Variants in GPR176 observed in about 807,000 individuals in gnomAD.
GPR176 encodes G protein-coupled receptor 176.
A neutral mutation model predicts 35.4 loss-of-function variants in GPR176; 26 were observed. The observed-to-expected ratio is 0.74, with a 90% CI of 0.54 to 1.02. The LOEUF is 1.02. Ranked by LOEUF, GPR176 falls within the 50% of genes least tolerant of loss-of-function variation. The pLI, the probability that GPR176 is intolerant of heterozygous loss-of-function variation, is 0.00. For missense variants in GPR176, 597 were observed against 665.3 expected (o/e 0.90, Z 1.13); for synonymous variants, 278 against 271.3 (o/e 1.02, Z -0.24).
intron 1 of GPR176, among the ~76,000 whole-genome samples, chr15:39,890,542 A>G (rs1041190855): frequency 1.2e-4 from 18 of 152,162 alleles, no homozygotes; most frequent in African/African-American, 4.1e-4. Context: ...GTAGTATAGA[A>G]TCATATACTT....
chr15:39,906,210 G>T lies in GPR176; in HGVS notation c.172+13645C>A, dbSNP rs74009001. ...GGCATTTAGTTGTGCAAAAAGCATG[G>T]TTTTCAACCTAATTTTTGCAGGCTT... On this transcript the variant is annotated intron_variant, in intron 1 of 2. Transcript: ENST00000561100. Among the ~76,000 whole-genome samples, 1,489 of 152,278 alleles carry T rather than the reference G, an allele frequency of 9.8e-3. 24 individuals carry two copies. Among genetic ancestry groups the T allele is most frequent in the African/African-American group, 0.031 (1,300 of 41,554 alleles).
At chr15:39,824,208 C>T (rs573291174) in intron 1 of GPR176, among the ~76,000 whole-genome samples, 1 of 152,350 alleles carries the variant, frequency 6.6e-6, no homozygotes, top group African/African-American at 2.4e-5. Context: ...CTGCAAGCTT[C>T]CTGAGGCCAG....
rs78981217 is a variant in GPR176 at position 39,847,872 on chromosome 15, T to C, written c.173-40614A>G. Among the ~76,000 whole-genome samples the C allele has an allele frequency of 2.0e-4, 31 of 152,002 alleles. No homozygotes were observed. The East Asian group carries it at 5.8e-3, about 29-fold the overall frequency. ...ATAACTTATAAAGAAAGAGGTTCAA[T>C]TGGTTCACAGTTCTGCAGGCTGTAC... On this transcript the variant is annotated intron_variant, in intron 1 of 2. Transcript: ENST00000561100.
chr15:39,893,095 CTTT>C (rs78705672), intron 1 of GPR176, among the ~76,000 whole-genome samples: 1 of 150,210 alleles, frequency 6.7e-6, no homozygotes, highest in Admixed American at 6.6e-5. Flanking sequence ...CTCTAACTCT[CTTT>C]TTTTTTTAAA....
intron 1 of GPR176, among the ~76,000 whole-genome samples, chr15:39,849,358 C>T (rs552154156): frequency 2.0e-5 from 3 of 152,148 alleles, no homozygotes; most frequent in South Asian, 2.1e-4. Flanking sequence ...TTCTACTAAA[C>T]GTTTCAAGAA....
chr15:39,833,645 T>C (rs183855528), intron 1 of GPR176, among the ~76,000 whole-genome samples: 1 of 152,290 alleles, frequency 6.6e-6, no homozygotes, highest in East Asian at 1.9e-4. Flanking sequence ...CAGCAGTGAT[T>C]TGTATGGTAA....
chr15:39,848,947 A>AAAGCAG (rs1190180961), intron 1 of GPR176, among the ~76,000 whole-genome samples: 2 of 151,398 alleles, frequency 1.3e-5, no homozygotes, highest in African/African-American at 4.8e-5. Context: ...AAAAGAAAAA[A>AAAGCAG]AAGCAGAAGA....
intron 1 of GPR176, among the ~76,000 whole-genome samples, chr15:39,811,751 C>T (rs1899572255): frequency 6.6e-6 from 1 of 152,022 alleles, no homozygotes; most frequent in Admixed American, 6.5e-5. Flanking sequence ...CCCGTCTCTA[C>T]TAAAAATACA....
At chr15:39,807,405 CAT>C (rs1301964960) in intron 1 of GPR176, 147 bp from the exon 2 acceptor site, 2 of 722,108 alleles carry the variant, frequency 2.8e-6, no homozygotes, top group Non-Finnish European at 4.2e-6. Flanking sequence ...TAAAATTTAA[CAT>C]ATATGATACA....
At chr15:39,832,654 AAC>A (rs112693906) in intron 1 of GPR176, among the ~76,000 whole-genome samples, 5,304 of 145,170 alleles carry the variant, frequency 0.037, 303 homozygotes, top group African/African-American at 0.12. Context: ...TGATGAGCTA[AAC>A]ACACACACAC....
At chr15:39,913,669 T>C (rs1010696055) in intron 1 of GPR176, among the ~76,000 whole-genome samples, 4 of 152,162 alleles carry the variant, frequency 2.6e-5, no homozygotes, top group African/African-American at 2.4e-5. Flanking sequence ...TTTCTTTAGG[T>C]TACATGGTTT....
intron 1 of GPR176, among the ~76,000 whole-genome samples, chr15:39,816,076 A>AAAAT (rs1168343363): frequency 4.6e-5 from 7 of 152,258 alleles, no homozygotes; most frequent in African/African-American, 1.7e-4. Flanking sequence ...GATCACATTT[A>AAAAT]CAGGTGGAAT....
intron 1 of GPR176, among the ~76,000 whole-genome samples, chr15:39,898,655 GA>G (rs902458548): frequency 6.6e-6 from 1 of 152,138 alleles, no homozygotes; most frequent in Admixed American, 6.5e-5. Flanking sequence ...GCTAGGGAGG[GA>G]AACAGGAGCC....
Position 39,802,235 on chromosome 15 carries a change from G to A in GPR176, c.445C>T (p.Pro149Ser), listed in dbSNP as rs1898931410. 1 of 1,610,008 alleles carries A rather than the reference G, an allele frequency of 6.2e-7. No homozygotes were observed. The highest frequency in any genetic ancestry group is 8.5e-7 in the Non-Finnish European group (1 of 1,177,366). ...ALDRYYSVLY[P>S]LERKISDAKS... is the part of the protein sequence containing the mutation. The stretch of plus-strand genomic sequence containing the variant: ...GCATCAGATATTTTCCTCTCCAGTG[G>A]ATAGAGGACTGAGTAGTACCTGCAA... The change falls in exon 3 of 3, where the codon CCA becomes TCA. Residue 149 changes from proline to serine, a missense_variant. By Grantham distance (74) the Pro-to-Ser change is moderately conservative (BLOSUM62 -1). This residue lies in a region of GPR176 where 220 missense variants were observed against 297.6 expected (regional missense o/e 0.74). Coordinates refer to ENST00000561100, the MANE Select transcript of GPR176 (RefSeq NM_007223.3).
chr15:39,869,064 ATC>A (rs1170458235), intron 1 of GPR176, among the ~76,000 whole-genome samples: 1 of 151,634 alleles, frequency 6.6e-6, no homozygotes, highest in Non-Finnish European at 1.5e-5. Context: ...TTTCTGAGAC[ATC>A]TGAGTTTCCA....
At chr15:39,915,370 C>G (rs1384942665) in intron 1 of GPR176, among the ~76,000 whole-genome samples, 2 of 152,176 alleles carry the variant, frequency 1.3e-5, no homozygotes, top group Admixed American at 1.3e-4. Context: ...ATCTTGAGAA[C>G]TCTATCCTCA....
chr15:39,883,622 A>G (rs1023941868), intron 1 of GPR176, among the ~76,000 whole-genome samples: 1 of 152,172 alleles, frequency 6.6e-6, no homozygotes, highest in African/African-American at 2.4e-5. Context: ...TACATAAAGC[A>G]GTGTCTAGGT....
At chr15:39,831,355 C>T (rs1901065511) in intron 1 of GPR176, among the ~76,000 whole-genome samples, 1 of 152,152 alleles carries the variant, frequency 6.6e-6, no homozygotes, top group Admixed American at 6.5e-5. Flanking sequence ...CTAAATTGAC[C>T]TGGTATTGAT....
In GPR176 at chr15:39,801,075, C is replaced by T. The variant is rs553669900; in HGVS notation, c.*57G>A. On this transcript the variant is annotated 3_prime_UTR_variant, in exon 3 of 3. Transcript: ENST00000561100. ...TACAATCACATGGCCACAGCATTCC[C>T]ACACTCTGGTGGGAATATGGAAGCT... 6.9e-7 allele frequency: 1 copy of T among 1,454,320 alleles called. No individual in the cohort carries two copies. The highest frequency in any genetic ancestry group is 2.0e-5 in the Admixed American group (1 of 49,680). The allele number at this position is 1,454,320 out of a possible 1,614,324, so 90.1% of individuals were successfully genotyped here. A position where few individuals can be genotyped will look rare whatever the true frequency, so the allele number is the denominator to read the frequency against.
Sources: allele counts gnomAD v4.1 joint callset (sites outside exome capture counted in the v4.1 genomes callset), GRCh38; gene constraint gnomAD v4.1.1; regional missense constraint gnomAD v4.1.1; transcripts MANE v1.5; gene names NCBI Gene and HGNC (gene_info 2026-07-23, HGNC 2026-07-21).